Variants in ARMC9 observed in about 807,000 individuals in gnomAD.
ARMC9 encodes lisH domain-containing protein ARMC9.
A neutral mutation model predicts 107.0 loss-of-function variants in ARMC9; 94 were observed. The ratio of observed to expected loss-of-function variants is 0.88; its 90% CI spans 0.74 to 1.04. The LOEUF (loss-of-function observed/expected upper bound fraction) is 1.04. Ranked by LOEUF, ARMC9 falls within the 50% of genes least tolerant of loss-of-function variation. ARMC9 has a pLI of 0.00. For synonymous variants in ARMC9, 380 were observed against 396.9 expected (o/e 0.96, Z 0.51); for missense variants, 942 against 1,030.1 (o/e 0.91, Z 1.17).
intron 6 of ARMC9, among the ~76,000 whole-genome samples, chr2:231,224,719 T>C (rs1559312817): frequency 6.6e-6 from 1 of 152,208 alleles, no homozygotes; most frequent in Non-Finnish European, 1.5e-5. Context: ...TTCAGTTCAA[T>C]ACATTAAGCT....
intron 19 of ARMC9, among the ~76,000 whole-genome samples, chr2:231,298,774 A>C (rs2041537921): frequency 2.0e-5 from 3 of 152,158 alleles, no homozygotes; most frequent in African/African-American, 7.2e-5. Flanking sequence ...CTCTACTAAA[A>C]ATACAAAAAT....
intron 12 of ARMC9, among the ~76,000 whole-genome samples, chr2:231,265,096 CAAAA>C (rs202052844): frequency 7.1e-6 from 1 of 140,354 alleles, no homozygotes; most frequent in Admixed American, 7.2e-5. Context: ...GACTGCGTCT[CAAAA>C]AAAAAAAAGA....
intron 16 of ARMC9, among the ~76,000 whole-genome samples, chr2:231,279,108 A>G (rs775990653): frequency 6.6e-6 from 1 of 152,164 alleles, no homozygotes; most frequent in Non-Finnish European, 1.5e-5. Flanking sequence ...GGATGTGTAG[A>G]CACTCATCAC....
At chr2:231,337,132 A>G (rs576355623) in intron 20 of ARMC9, among the ~76,000 whole-genome samples, 3 of 151,782 alleles carry the variant, frequency 2.0e-5, no homozygotes, top group African/African-American at 7.2e-5. Flanking sequence ...TTTTTCACAT[A>G]TGTCTCCACT....
At chr2:231,201,982 G>A (rs1245609340) in intron 1 of ARMC9, among the ~76,000 whole-genome samples, 2 of 143,548 alleles carry the variant, frequency 1.4e-5, no homozygotes, top group East Asian at 2.3e-4. Flanking sequence ...ACTTGCAGCC[G>A]ATGACCTTTT....
chr2:231,248,454 G>A lies in ARMC9; in HGVS notation c.880-8132G>A, dbSNP rs554744543. 2.2e-3 allele frequency among the ~76,000 whole-genome samples: 341 copies of A among 152,208 alleles called. 2 individuals carry two copies. The highest frequency in any genetic ancestry group is 3.9e-3 in the South Asian group (19 of 4,826). ...TCATATTACTATCTTGCTCAACACCGTTATCACCTTAGGGTGAAGTGGTTT... is the reference window on the plus strand; with the variant it reads ...TCATATTACTATCTTGCTCAACACCATTATCACCTTAGGGTGAAGTGGTTT... On this transcript the variant is annotated intron_variant, in intron 9 of 24. Transcript: ENST00000611582.
intron 19 of ARMC9, among the ~76,000 whole-genome samples, chr2:231,327,710 G>A (rs2043422728): frequency 6.6e-6 from 1 of 152,094 alleles, no homozygotes; most frequent in Admixed American, 6.6e-5. Context: ...ATAATTGCTG[G>A]TTCTGTATAG....
At chr2:231,300,614 A>G (rs1284219449) in intron 19 of ARMC9, among the ~76,000 whole-genome samples, 1 of 152,156 alleles carries the variant, frequency 6.6e-6, no homozygotes, top group African/African-American at 2.4e-5. Context: ...AGAGACAGAG[A>G]GAAAATAGGT....
rs937935640 is a variant in ARMC9 at position 231,356,037 on chromosome 2, G to A, written c.2131+103G>A. On this transcript the variant is annotated intron_variant, in intron 22 of 24. Coordinates refer to ENST00000611582, the MANE Select transcript of ARMC9 (RefSeq NM_001352754.2). ...GCAGACGCACGTCTGCTCCTGGGAAGCCCTCTGGTCTCAGCAACAGCCCCG... is the reference window on the plus strand; with the variant it reads ...GCAGACGCACGTCTGCTCCTGGGAAACCCTCTGGTCTCAGCAACAGCCCCG... 5 of 1,410,598 alleles carry A rather than the reference G, an allele frequency of 3.5e-6. No individual in the cohort carries two copies. In the South Asian group the frequency reaches 5.8e-5, roughly 16 times the overall value. The allele number at this position is 1,410,598 out of a possible 1,614,324, so 87.4% of individuals were successfully genotyped here. A position where few individuals can be genotyped will look rare whatever the true frequency, so the allele number is the denominator to read the frequency against.
At chr2:231,276,915 C>T (rs887890027) in intron 15 of ARMC9, 140 bp downstream of exon 15, 19 of 1,244,698 alleles carry the variant, frequency 1.5e-5, no homozygotes, top group Non-Finnish European at 1.9e-5. Flanking sequence ...AAAGCATTTC[C>T]AACTAGGTAT....
At chr2:231,209,331 T>C (rs547273845) in intron 3 of ARMC9, among the ~76,000 whole-genome samples, 1 of 152,270 alleles carries the variant, frequency 6.6e-6, no homozygotes, top group African/African-American at 2.4e-5. Context: ...CATTGAGCCA[T>C]GATCATACTG....
intron 9 of ARMC9, among the ~76,000 whole-genome samples, chr2:231,241,343 G>T (rs976450033): frequency 6.6e-6 from 1 of 152,052 alleles, no homozygotes; most frequent in African/African-American, 2.4e-5. Context: ...ACACCTGAAG[G>T]CCCATGGTTT....
chr2:231,213,843 G>A (rs1037507704), intron 3 of ARMC9, among the ~76,000 whole-genome samples: 3 of 152,212 alleles, frequency 2.0e-5, no homozygotes, highest in Non-Finnish European at 2.9e-5. Context: ...ATTGGGTGGG[G>A]AAGTGGGGAT....
intron 20 of ARMC9, among the ~76,000 whole-genome samples, chr2:231,335,187 G>A (rs888074265): frequency 6.6e-6 from 1 of 152,298 alleles, no homozygotes; most frequent in South Asian, 2.1e-4. Flanking sequence ...TGCTGAGTGG[G>A]GTAGATAACA....
intron 22 of ARMC9, 42 bp downstream of exon 22, chr2:231,355,976 G>A: frequency 3.9e-6 from 6 of 1,519,864 alleles, no homozygotes; most frequent in Non-Finnish European, 5.3e-6. Flanking sequence ...CTGGGATTGT[G>A]ATGTCTAGAA....
intron 4 of ARMC9, 99 bp downstream of exon 4, chr2:231,215,100 G>T: frequency 1.4e-6 from 2 of 1,404,036 alleles, no homozygotes; most frequent in African/African-American, 1.4e-5. Flanking sequence ...ATGTGGCTGT[G>T]CTGTCATAAT....
intron 12 of ARMC9, among the ~76,000 whole-genome samples, chr2:231,267,544 T>TA (rs1237505083): frequency 1.3e-5 from 2 of 152,348 alleles, no homozygotes; most frequent in East Asian, 3.9e-4. Context: ...CAGCAATATT[T>TA]ATGCCTAAGG....
At chr2:231,284,981 C>T (rs949884857) in intron 17 of ARMC9, among the ~76,000 whole-genome samples, 12 of 152,132 alleles carry the variant, frequency 7.9e-5, no homozygotes, top group African/African-American at 2.9e-4. Context: ...GGGCAGATCA[C>T]GAGGTCAGGA....
chr2:231,314,161 C>A (rs1234360067), intron 19 of ARMC9, among the ~76,000 whole-genome samples: 3 of 151,448 alleles, frequency 2.0e-5, no homozygotes, highest in African/African-American at 7.3e-5. Context: ...CTCACTACAA[C>A]CTCCGCCTCA....
Sources: gnomAD v4.1 joint callset for allele counts (sites outside exome capture counted in the v4.1 genomes callset) on GRCh38, gnomAD v4.1.1 for gene constraint, MANE v1.5 for transcripts, NCBI Gene and HGNC (gene_info 2026-07-23, HGNC 2026-07-21) for gene names.